BIRC6: variants seen among roughly 807,000 people sequenced by gnomAD.
The protein encoded by BIRC6 is baculoviral IAP repeat containing 6, also known as dual E2 ubiquitin-conjugating enzyme/E3 ubiquitin-protein ligase BIRC6.
Under a neutral mutation model 503.3 loss-of-function variants are expected in BIRC6, and 98 were observed. The ratio of observed to expected loss-of-function variants is 0.19; its 90% CI spans 0.17 to 0.23. The LOEUF (loss-of-function observed/expected upper bound fraction) is 0.23. Among genes scored for constraint, BIRC6 ranks in the 10% least tolerant of loss-of-function variants. The pLI, the probability that BIRC6 is intolerant of heterozygous loss-of-function variation, is 1.00. For synonymous variants in BIRC6, 2,240 were observed against 2,078.7 expected (o/e 1.08, Z -2.11); for missense variants, 5,360 against 5,806.0 (o/e 0.92, Z 2.50).
chr2:32,399,811 A>G (rs2040401913), intron 6 of BIRC6, among the ~76,000 whole-genome samples: 1 of 151,908 alleles, frequency 6.6e-6, no homozygotes, highest in African/African-American at 2.4e-5. Flanking sequence ...TTTTAGAGAC[A>G]GGGTCTTGCT....
At chr2:32,467,436 T>A in intron 26 of BIRC6, 89 bp from the exon 27 acceptor site, 1 of 1,045,548 alleles carries the variant, frequency 9.6e-7, no homozygotes, top group Admixed American at 2.2e-5. Flanking sequence ...TGCTTTCATA[T>A]TTTAAGATGA....
chr2:32,613,567 GACGGGGTTTC>G (rs2151766279), intron 73 of BIRC6, among the ~76,000 whole-genome samples: 1 of 152,016 alleles, frequency 6.6e-6, no homozygotes, highest in African/African-American at 2.4e-5. Flanking sequence ...TTTTAGTAGA[GACGGGGTTTC>G]ACCATGTTGG....
intron 60 of BIRC6, among the ~76,000 whole-genome samples, chr2:32,531,030 G>C (rs1216399960): frequency 6.6e-6 from 1 of 152,190 alleles, no homozygotes; most frequent in Non-Finnish European, 1.5e-5. Flanking sequence ...AAAGGACAGT[G>C]CTTCTCAAAC....
chr2:32,609,685 A>T (rs1343821858), intron 72 of BIRC6, among the ~76,000 whole-genome samples: 4 of 151,050 alleles, frequency 2.6e-5, no homozygotes, highest in African/African-American at 7.3e-5. Context: ...AAAGTTGGAT[A>T]CTTTACTTTT....
intron 61 of BIRC6, among the ~76,000 whole-genome samples, chr2:32,539,598 A>G (rs1416021474): frequency 6.6e-6 from 1 of 152,190 alleles, no homozygotes; most frequent in Admixed American, 6.5e-5. Context: ...AGAAGAAATC[A>G]CAATAGATAC....
Position 32,479,471 on chromosome 2 carries a change from T to A in BIRC6, c.7262T>A (p.Leu2421Gln). The change falls in exon 37 of 74, where the codon CTG (leucine) becomes CAG (glutamine). Residue 2421 changes from leucine to glutamine, a missense_variant. This residue lies in a region of BIRC6 where 2,299 missense variants were observed against 2,267.2 expected (regional missense o/e 1.01). Coordinates refer to ENST00000421745, the MANE Select transcript of BIRC6 (RefSeq NM_016252.4). ...ATCCCCTTACATACAGGAGAATTAC[T>A]GGCTCCAGTAGCCGCAGAAGCCATG... is the stretch of plus-strand genomic sequence containing the variant. ...MLQDILAGELLAPVAAEAMEE... is the reference protein window; with the variant it reads ...MLQDILAGELQAPVAAEAMEE... 1 of 1,599,150 alleles carries A rather than the reference T, an allele frequency of 6.3e-7. No homozygotes were observed. The highest frequency in any genetic ancestry group is 8.5e-7 in the Non-Finnish European group (1 of 1,172,248).
chr2:32,509,622 T>C, intron 51 of BIRC6, 116 bp from the exon 52 acceptor site: 1 of 1,167,186 alleles, frequency 8.6e-7, no homozygotes, highest in Non-Finnish European at 1.2e-6. Flanking sequence ...AAACATGTCT[T>C]AGATTGGTTA....
chr2:32,587,998 T>C (rs763620775), intron 66 of BIRC6, among the ~76,000 whole-genome samples: 1 of 152,174 alleles, frequency 6.6e-6, no homozygotes, highest in Non-Finnish European at 1.5e-5. Flanking sequence ...GTAGCAACTT[T>C]ATAATCACTT....
chr2:32,473,488 G>A (rs924049777), intron 33 of BIRC6, among the ~76,000 whole-genome samples: 1 of 151,756 alleles, frequency 6.6e-6, no homozygotes, highest in Non-Finnish European at 1.5e-5. Flanking sequence ...TTCTAAATGA[G>A]GTTGTCATTA....
intron 10 of BIRC6, among the ~76,000 whole-genome samples, chr2:32,422,127 T>G (rs922148815): frequency 6.6e-6 from 1 of 152,230 alleles, no homozygotes; most frequent in African/African-American, 2.4e-5. Context: ...GGTTACAGTT[T>G]GTATTATGTA....
In BIRC6 at chr2:32,602,986, A is replaced by AC; in HGVS notation, c.13993-20_13993-19insC. The AC allele has an allele frequency of 1.3e-6, 2 of 1,589,392 alleles. No individual in the cohort carries two copies. The highest frequency in any genetic ancestry group is 1.7e-6 in the Non-Finnish European group (2 of 1,171,732). The stretch of plus-strand genomic sequence containing the variant: ...AAGCACTCTTTTTTCAATTCTGTTT[A>AC]TGCTTTTTTCGTTCGTCAGGTTTGT... On this transcript the variant is annotated intron_variant, in intron 70 of 73. Transcript: ENST00000421745.
intron 66 of BIRC6, among the ~76,000 whole-genome samples, chr2:32,579,008 T>C (rs57413859): frequency 1.7e-5 from 1 of 57,476 alleles, no homozygotes; most frequent in African/African-American, 8.6e-5. Flanking sequence ...TATATATATA[T>C]ACCTAATATA....
In BIRC6 at chr2:32,430,805, C is replaced by CTTTTT. The variant is rs370529825; in HGVS notation, c.3023-43_3023-39dup. 150 of 484,738 alleles carry CTTTTT rather than the reference C, an allele frequency of 3.1e-4. 2 individuals are homozygous for CTTTTT. The highest frequency in any genetic ancestry group is 6.3e-4 in the South Asian group (24 of 37,964). The allele number at this position is 484,738 out of a possible 1,614,324, so 30.0% of individuals were successfully genotyped here. A position where few individuals can be genotyped will look rare whatever the true frequency, so the allele number is the denominator to read the frequency against. On this transcript the variant is annotated intron_variant, in intron 11 of 73. Coordinates refer to ENST00000421745, the MANE Select transcript of BIRC6 (RefSeq NM_016252.4). The stretch of plus-strand genomic sequence containing the variant: ...AATTAAAACTTCACTTCATTGTCTT[C>CTTTTT]TTTTTTTTTTTTTTTTTTTTTCCAC...
intron 33 of BIRC6, among the ~76,000 whole-genome samples, chr2:32,475,499 A>G (rs1237314892): frequency 6.6e-6 from 1 of 152,148 alleles, no homozygotes; most frequent in African/African-American, 2.4e-5. Flanking sequence ...TTGTGGTGGC[A>G]TTTTTTGGTA....
At chr2:32,500,503 C>T (rs1185353454) in intron 46 of BIRC6, among the ~76,000 whole-genome samples, 1 of 151,696 alleles carries the variant, frequency 6.6e-6, no homozygotes, top group African/African-American at 2.4e-5. Context: ...CTGTAACCCC[C>T]GCCTCCCAGA....
intron 37 of BIRC6, 54 bp downstream of exon 37, chr2:32,479,671 AAAAT>A (rs2050158715): frequency 2.2e-6 from 3 of 1,386,202 alleles, no homozygotes. Context: ...AACATGTTTC[AAAAT>A]AAAGAATGTT....
At chr2:32,452,425 T>C (rs143110540) in intron 22 of BIRC6, among the ~76,000 whole-genome samples, 79 of 152,270 alleles carry the variant, frequency 5.2e-4, no homozygotes, top group Middle Eastern at 3.4e-3. Context: ...CTATGGTAAA[T>C]ACCAGTAAAA....
rs750800278 is a variant in BIRC6, at chr2:32,468,778, C to G, written c.6122C>G (p.Ser2041Cys). 1 of 1,587,982 alleles carries G rather than the reference C, an allele frequency of 6.3e-7. No individual in the cohort carries two copies. The highest frequency in any genetic ancestry group is 1.3e-5 in the African/African-American group (1 of 74,452). Residue 2041 changes from serine (S) to cysteine (C), a missense_variant, in exon 29 of 74, where the codon TCT (serine) becomes TGT (cysteine). Coordinates refer to ENST00000421745, the MANE Select transcript of BIRC6 (RefSeq NM_016252.4). ...LDTLLSLLHA[S>C]NGHSVPAVLQ... Reference sequence around the variant, plus strand: ...ACTTTGCTCAGCCTGCTTCATGCTTCTAATGGTTTGTATTTGGCTTACATA... The same window carrying G: ...ACTTTGCTCAGCCTGCTTCATGCTTGTAATGGTTTGTATTTGGCTTACATA...
chr2:32,446,707 G>A (rs898104538), intron 21 of BIRC6, among the ~76,000 whole-genome samples: 4 of 139,640 alleles, frequency 2.9e-5, no homozygotes, highest in African/African-American at 1.1e-4. Flanking sequence ...AATTTGATGG[G>A]TCAAATCTAG....
Sources: gnomAD v4.1 joint callset for allele counts (sites outside exome capture counted in the v4.1 genomes callset) on GRCh38, gnomAD v4.1.1 for gene constraint, gnomAD v4.1.1 regional missense constraint, MANE v1.5 for transcripts, NCBI Gene and HGNC (gene_info 2026-07-23, HGNC 2026-07-21) for gene names.